The following ATP10B variants were observed in gnomAD, a reference collection of about 807,000 sequenced individuals.
ATP10B encodes the protein phospholipid-transporting ATPase VB.
A neutral mutation model predicts 141.2 loss-of-function variants in ATP10B; 122 were observed. The observed-to-expected ratio is 0.86, with a 90% CI of 0.75 to 1.00. The LOEUF (loss-of-function observed/expected upper bound fraction) is 1.00, where lower values mean the gene tolerates loss of function less well. Among genes scored for constraint, ATP10B ranks in the 50% least tolerant of loss-of-function variants. The pLI is 0.00. For synonymous variants in ATP10B, 685 were observed against 692.0 expected, an observed-to-expected ratio of 0.99 and a Z score of 0.16; for missense variants, 1,876 against 1,825.3, an observed-to-expected ratio of 1.03 and a Z score of -0.51.
Position 160,687,899 on chromosome 5 carries a change from C to A in ATP10B, c.176G>T (p.Trp59Leu). Residue 59 changes from tryptophan to leucine, a missense_variant, in exon 5 of 26, where the codon TGG becomes TTG. Transcript: ENST00000327245. ...FPNNSIFHQD[W>L]EEVSRRYPGN... ...AGGGTATCTCCTGGAGACCTCTTCC[C>A]AATCTTGATGGAATATGCTGTTGTT... 6.8e-6 allele frequency: 11 copies of A among 1,614,126 alleles called. No individual in the cohort carries two copies. Among genetic ancestry groups the A allele is most frequent in the Non-Finnish European group, 9.3e-6 (11 of 1,180,016 alleles).
intron 2 of ATP10B, among the ~76,000 whole-genome samples, chr5:160,727,574 G>A (rs1766445408): frequency 6.6e-6 from 1 of 152,192 alleles, no homozygotes; most frequent in African/African-American, 2.4e-5. Flanking sequence ...TGCCTGGTGT[G>A]TTGGGTCCTG....
the ATP10B span, among the ~76,000 whole-genome samples, chr5:160,869,712 T>TG: frequency 6.6e-6 from 1 of 152,120 alleles, no homozygotes; most frequent in Non-Finnish European, 1.5e-5. Flanking sequence ...AACCATGGCT[T>TG]GCTGGAAAAC....
the ATP10B span, among the ~76,000 whole-genome samples, chr5:160,914,418 A>C: frequency 1.3e-5 from 2 of 152,176 alleles, no homozygotes; most frequent in Non-Finnish European, 2.9e-5. Context: ...GTGGATGCCC[A>C]AGTCCCTGAA....
At chr5:160,625,444 G>A (rs954132258) in intron 13 of ATP10B, among the ~76,000 whole-genome samples, 4 of 152,154 alleles carry the variant, frequency 2.6e-5, no homozygotes, top group Middle Eastern at 3.2e-3. Context: ...GTACATAAAT[G>A]AGATGCTGTT....
intron 1 of ATP10B, among the ~76,000 whole-genome samples, chr5:160,828,951 G>C (rs13169705): frequency 7.5e-6 from 1 of 132,726 alleles, no homozygotes; most frequent in Non-Finnish European, 1.7e-5. Flanking sequence ...GTAAACTAAC[G>C]CAAGGACAAA....
intron 7 of ATP10B, among the ~76,000 whole-genome samples, chr5:160,663,877 A>G (rs1227727193): frequency 1.3e-5 from 2 of 152,214 alleles, no homozygotes; most frequent in African/African-American, 4.8e-5. Flanking sequence ...CCTAGAGAAC[A>G]GGGTTTCTTA....
At chr5:160,907,021 T>G in the ATP10B span, among the ~76,000 whole-genome samples, 1 of 152,160 alleles carries the variant, frequency 6.6e-6, no homozygotes, top group Admixed American at 6.5e-5. Flanking sequence ...CCCTCCTAGA[T>G]TTCTTTTAAA....
chr5:160,616,147 C>T (rs1258541823), intron 16 of ATP10B, among the ~76,000 whole-genome samples, 183 bp from the exon 17 acceptor site: 1 of 151,962 alleles, frequency 6.6e-6, no homozygotes, highest in Non-Finnish European at 1.5e-5. Flanking sequence ...CCTTGTGTTC[C>T]ATTATCACTA....
chr5:160,631,374 T>G (rs973019348), intron 13 of ATP10B, among the ~76,000 whole-genome samples: 1 of 152,216 alleles, frequency 6.6e-6, no homozygotes, highest in Non-Finnish European at 1.5e-5. Flanking sequence ...TTTTCTTTGC[T>G]TGCTACCTGG....
At chr5:160,812,022 G>C (rs201259453) in intron 1 of ATP10B, among the ~76,000 whole-genome samples, 907 of 8,054 alleles carry the variant, frequency 0.11, 8 homozygotes, top group Non-Finnish European at 0.17. Context: ...GACAGAGACA[G>C]AGAGAGAGAG....
Position 160,582,116 on chromosome 5 carries a change from G to C in ATP10B, c.3750+7476C>G, listed in dbSNP as rs143581910. On this transcript the variant is annotated intron_variant, in intron 24 of 25. Coordinates refer to ENST00000327245, the MANE Select transcript of ATP10B (RefSeq NM_025153.3). Reference sequence around the variant, plus strand: ...GACTCTTTATCCAATTTGCCAGTCTGTGTCTTTTAATTGGAGCATTTAGCC... The same window carrying C: ...GACTCTTTATCCAATTTGCCAGTCTCTGTCTTTTAATTGGAGCATTTAGCC... 9.4e-3 allele frequency among the ~76,000 whole-genome samples: 1,436 copies of C among 152,278 alleles called. 18 individuals carry two copies. Among genetic ancestry groups the C allele is most frequent in the African/African-American group, 0.033 (1,356 of 41,546 alleles).
the ATP10B span, among the ~76,000 whole-genome samples, chr5:160,914,438 T>C: frequency 6.6e-6 from 1 of 152,228 alleles, no homozygotes. Flanking sequence ...AATAAAATGG[T>C]ATAGCATTTG....
At chr5:160,704,912 A>ATTTTTTTTTTTTTTTTTTTTTTTT (rs1764894071) in intron 3 of ATP10B, among the ~76,000 whole-genome samples, 1 of 43,690 alleles carries the variant, frequency 2.3e-5, no homozygotes, top group African/African-American at 1.7e-4. Flanking sequence ...CATTTCTTTC[A>ATTTTTTTTTTTTTTTTTTTTTTTT]TCTTTTTTTT....
At chr5:160,718,211 C>A (rs1309968167) in intron 2 of ATP10B, among the ~76,000 whole-genome samples, 3 of 152,196 alleles carry the variant, frequency 2.0e-5, no homozygotes, top group Non-Finnish European at 4.4e-5. Context: ...AGTGCCATTT[C>A]TTTCCCAAAT....
the ATP10B span, among the ~76,000 whole-genome samples, chr5:160,889,925 G>T: frequency 1.3e-5 from 2 of 152,072 alleles, no homozygotes; most frequent in Non-Finnish European, 2.9e-5. Context: ...TGAGGCCTTT[G>T]CATAAGCTTT....
At chr5:160,692,283 G>C (rs920146197) in intron 3 of ATP10B, among the ~76,000 whole-genome samples, 25 of 152,112 alleles carry the variant, frequency 1.6e-4, no homozygotes, top group African/African-American at 5.6e-4. Flanking sequence ...TAGTTTCAAA[G>C]TATCCTCCCC....
chr5:160,907,372 A>G, the ATP10B span, among the ~76,000 whole-genome samples: 1 of 149,560 alleles, frequency 6.7e-6, no homozygotes, highest in African/African-American at 2.4e-5. Context: ...CTTTACCTGC[A>G]TTATCCTATG....
At chr5:160,795,829 C>T (rs1771909599) in intron 1 of ATP10B, among the ~76,000 whole-genome samples, 1 of 151,916 alleles carries the variant, frequency 6.6e-6, no homozygotes, top group African/African-American at 2.4e-5. Flanking sequence ...ATGGATTCTC[C>T]CCTACAGCCC....
At chr5:160,910,838 C>T in the ATP10B span, among the ~76,000 whole-genome samples, 1 of 152,032 alleles carries the variant, frequency 6.6e-6, no homozygotes, top group African/African-American at 2.4e-5. Context: ...TTTGTATGGC[C>T]CCACCAAGTT....
Sources: allele counts gnomAD v4.1 joint callset (sites outside exome capture counted in the v4.1 genomes callset), GRCh38; gene constraint gnomAD v4.1.1; transcripts MANE v1.5; gene names NCBI Gene and HGNC (gene_info 2026-07-23, HGNC 2026-07-21).